CTBP2: variants seen among roughly 807,000 people sequenced by gnomAD.
CTBP2 encodes C-terminal-binding protein 2.
Under a neutral mutation model 80.3 loss-of-function variants are expected in CTBP2, and 30 were observed. That is an observed-to-expected ratio of 0.37 (90% CI 0.28 to 0.51). CTBP2 has a LOEUF of 0.51. CTBP2 is among the 20% of genes least tolerant of loss of function. The probability of loss-of-function intolerance (pLI) is 0.93; values close to 1 mark genes in which losing one functional copy is unlikely to be tolerated. For missense variants in CTBP2, 1,212 were observed against 1,375.3 expected (o/e 0.88, Z 1.88); for synonymous variants, 594 against 587.4 (o/e 1.01, Z -0.16).
intron 2 of CTBP2, among the ~76,000 whole-genome samples, chr10:125,080,113 T>G (rs1258526238): frequency 1.3e-5 from 2 of 152,198 alleles, no homozygotes; most frequent in African/African-American, 4.8e-5. Flanking sequence ...GCACAAATCA[T>G]TTTAACAGAG....
At chr10:125,001,742 G>A (rs1024788511) in intron 3 of CTBP2, among the ~76,000 whole-genome samples, 1 of 152,160 alleles carries the variant, frequency 6.6e-6, no homozygotes, top group Non-Finnish European at 1.5e-5. Flanking sequence ...CTGCTCGCCC[G>A]GCTCCCCAGC....
intron 1 of CTBP2, among the ~76,000 whole-genome samples, chr10:125,121,063 G>A (rs779555814): frequency 1.3e-5 from 2 of 152,240 alleles, no homozygotes; most frequent in Non-Finnish European, 2.9e-5. Flanking sequence ...ATCCATGAGA[G>A]CAGAGACAGA....
chr10:125,014,195 C>T (rs546715006), intron 1 of CTBP2, among the ~76,000 whole-genome samples: 1 of 152,360 alleles, frequency 6.6e-6, no homozygotes, highest in South Asian at 2.1e-4. Flanking sequence ...TGCAGGGACA[C>T]ACGGTCCTCC....
intron 1 of CTBP2, among the ~76,000 whole-genome samples, chr10:125,138,938 T>A (rs148107438): frequency 6.6e-6 from 1 of 152,218 alleles, no homozygotes; most frequent in African/African-American, 2.4e-5. Context: ...AAGAGCTGTG[T>A]GTTCCTGGGA....
At chr10:125,063,920 C>A (rs1590449702) in intron 2 of CTBP2, among the ~76,000 whole-genome samples, 1 of 152,150 alleles carries the variant, frequency 6.6e-6, no homozygotes, top group African/African-American at 2.4e-5. Context: ...TTCCCCCACC[C>A]CCAGGCTGCA....
chr10:125,114,850 GC>G lies in CTBP2; in HGVS notation c.-205-3758del, dbSNP rs891583892. ...CAGGCGAGCAGCTCAACCTGGCCTGGCCCCCCCATGCCGCCTGCTGTGAGCA... is the reference window on the plus strand; with the variant it reads ...CAGGCGAGCAGCTCAACCTGGCCTGGCCCCCCATGCCGCCTGCTGTGAGCA... On this transcript the variant is annotated intron_variant, in intron 1 of 10. Coordinates refer to the CTBP2 transcript ENST00000337195. 2.2e-5 allele frequency among the ~76,000 whole-genome samples: 3 copies of G among 134,284 alleles called. No individual in the cohort carries two copies. In the South Asian group the frequency reaches 7.6e-4, roughly 34 times the overall value. The allele number at this position is 134,284 out of a possible 152,430, so 88.1% of individuals were successfully genotyped here.
intron 1 of CTBP2, among the ~76,000 whole-genome samples, chr10:125,024,737 A>C (rs1210895676): frequency 6.6e-6 from 1 of 152,226 alleles, no homozygotes; most frequent in Non-Finnish European, 1.5e-5. Context: ...TCGCCATGCA[A>C]ATCAGTTGGT....
intron 1 of CTBP2, among the ~76,000 whole-genome samples, chr10:125,132,458 C>T: frequency 6.6e-6 from 1 of 152,178 alleles, no homozygotes; most frequent in Non-Finnish European, 1.5e-5. Context: ...CAGATGAAGG[C>T]CTGGGGTTCC....
intron 1 of CTBP2, among the ~76,000 whole-genome samples, chr10:125,009,262 C>T (rs1955595108): frequency 6.6e-6 from 1 of 152,206 alleles, no homozygotes; most frequent in Non-Finnish European, 1.5e-5. Flanking sequence ...CAAACAGAGC[C>T]AAGCGATTCA....
chr10:125,156,636 A>C (rs1466338222), intron 1 of CTBP2, among the ~76,000 whole-genome samples: 2 of 152,184 alleles, frequency 1.3e-5, no homozygotes, highest in Non-Finnish European at 1.5e-5. Context: ...TAAAAATATC[A>C]TTTTAAAATC....
chr10:125,011,703 C>T (rs1206750377), intron 1 of CTBP2, among the ~76,000 whole-genome samples: 3 of 152,250 alleles, frequency 2.0e-5, no homozygotes, highest in African/African-American at 7.2e-5. Flanking sequence ...CTGCAGCCCG[C>T]ACCCTGCAGT....
intron 2 of CTBP2, among the ~76,000 whole-genome samples, chr10:125,086,420 G>A (rs562569122): frequency 6.6e-6 from 1 of 152,128 alleles, no homozygotes; most frequent in East Asian, 1.9e-4. Context: ...AGCAATCCCT[G>A]TAATCTCAGC....
intron 2 of CTBP2, among the ~76,000 whole-genome samples, chr10:125,103,765 C>G (rs1353320434): frequency 6.6e-6 from 1 of 152,148 alleles, no homozygotes; most frequent in Non-Finnish European, 1.5e-5. Flanking sequence ...CCAGCTGAAC[C>G]AAGGGGTATA....
chr10:125,088,730 AG>A (rs1848359091), intron 2 of CTBP2, among the ~76,000 whole-genome samples: 1 of 152,178 alleles, frequency 6.6e-6, no homozygotes, highest in South Asian at 2.1e-4. Context: ...CTAACAATTG[AG>A]TTTTGTTAAC....
intron 6 of CTBP2, 86 bp downstream of exon 8, chr10:124,993,769 G>A (rs1438373483): frequency 1.1e-5 from 16 of 1,492,388 alleles, no homozygotes; most frequent in African/African-American, 1.4e-5. Flanking sequence ...ACCTGTTTGG[G>A]AAAAGGGCCT....
intron 2 of CTBP2, among the ~76,000 whole-genome samples, chr10:125,073,248 T>C (rs1371099506): frequency 2.6e-5 from 4 of 152,164 alleles, no homozygotes; most frequent in Non-Finnish European, 2.9e-5. Context: ...GCATCTCTCT[T>C]TTTTTTGAGA....
intron 2 of CTBP2, 39 bp from the exon 5 acceptor site, chr10:125,003,143 G>C (rs374514317): frequency 8.7e-6 from 14 of 1,611,502 alleles, no homozygotes; most frequent in Middle Eastern, 1.6e-4. Flanking sequence ...GCCCCACCCC[G>C]TGCAGCCCAC....
chr10:125,120,731 G>GAT (rs1854177043), intron 1 of CTBP2, among the ~76,000 whole-genome samples: 1 of 152,200 alleles, frequency 6.6e-6, no homozygotes, highest in South Asian at 2.1e-4. Flanking sequence ...AGGCTGGAGT[G>GAT]CAGTGGCATG....
intron 3 of CTBP2, chr10:124,998,596 C>A: frequency 4.5e-6 from 1 of 224,558 alleles, no homozygotes; most frequent in Non-Finnish European, 8.9e-6. Context: ...GGCAGGGTGA[C>A]AAAGAATGGC....
Sources: allele counts gnomAD v4.1 joint callset (sites outside exome capture counted in the v4.1 genomes callset), GRCh38; gene constraint gnomAD v4.1.1; transcripts MANE v1.5; gene names NCBI Gene and HGNC (gene_info 2026-07-23, HGNC 2026-07-21).